The following NEK1 variants were observed in gnomAD, a reference collection of about 807,000 sequenced individuals.
NEK1 encodes NIMA related kinase 1, also known as serine/threonine-protein kinase Nek1.
A neutral mutation model predicts 182.1 loss-of-function variants in NEK1; 137 were observed. That is an observed-to-expected ratio of 0.75 (90% CI 0.65 to 0.87). The LOEUF is 0.87. Ranked by LOEUF, NEK1 falls within the 40% of genes least tolerant of loss-of-function variation. The pLI is 0.00. For missense variants in NEK1, 1,391 were observed against 1,494.4 expected, an observed-to-expected ratio of 0.93 and a Z score of 1.14; for synonymous variants, 513 against 492.2, an observed-to-expected ratio of 1.04 and a Z score of -0.56.
At chr4:169,514,605 G>A (rs751980954) in intron 19 of NEK1, among the ~76,000 whole-genome samples, 6 of 152,132 alleles carry the variant, frequency 3.9e-5, no homozygotes, top group Admixed American at 3.3e-4. Flanking sequence ...GGTAGTTTAC[G>A]AATTTTATAG....
At chr4:169,448,855 C>A (rs551192485) in intron 27 of NEK1, among the ~76,000 whole-genome samples, 1 of 152,230 alleles carries the variant, frequency 6.6e-6, no homozygotes, top group African/African-American at 2.4e-5. Context: ...GGTGGGGCAT[C>A]ACCTCACCTG....
intron 11 of NEK1, among the ~76,000 whole-genome samples, chr4:169,578,311 C>T (rs1766043951): frequency 6.6e-6 from 1 of 152,178 alleles, no homozygotes; most frequent in Admixed American, 6.5e-5. Flanking sequence ...TTAATATCTG[C>T]CAAGATACCC....
At chr4:169,609,374 T>A (rs72694707) in intron 2 of NEK1, among the ~76,000 whole-genome samples, 13,414 of 152,230 alleles carry the variant, frequency 0.088, 764 homozygotes, top group African/African-American at 0.16. Flanking sequence ...TATTTCCAAA[T>A]GTAGGAAAAC....
chr4:169,501,363 AATTCTAGACTTAAATTGGAC>A (rs1422386174), intron 23 of NEK1, among the ~76,000 whole-genome samples: 2 of 152,110 alleles, frequency 1.3e-5, no homozygotes, highest in African/African-American at 4.8e-5. Flanking sequence ...AAAACTAATA[AATTCTAGACTTAAATTGGAC>A]ACTTGACCAG....
chr4:169,492,872 T>C (rs1323054096), intron 23 of NEK1, among the ~76,000 whole-genome samples: 1 of 152,026 alleles, frequency 6.6e-6, no homozygotes, highest in East Asian at 1.9e-4. Context: ...AAACAGGAAA[T>C]GTGGGTGCAG....
chr4:169,482,348 C>T (rs942328319), intron 23 of NEK1, among the ~76,000 whole-genome samples: 35 of 150,582 alleles, frequency 2.3e-4, no homozygotes, highest in African/African-American at 8.6e-4. Flanking sequence ...AGTGCAGATC[C>T]AGGCACAATA....
At chr4:169,561,639 C>T (rs760137442) in intron 15 of NEK1, 48 bp downstream of exon 15, 2 of 1,577,634 alleles carry the variant, frequency 1.3e-6, no homozygotes, top group South Asian at 1.1e-5. Context: ...AACTGAAAAT[C>T]AGTGTATTCC....
intron 10 of NEK1, among the ~76,000 whole-genome samples, chr4:169,584,046 T>A (rs1767117439): frequency 6.6e-6 from 1 of 152,210 alleles, no homozygotes; most frequent in African/African-American, 2.4e-5. Context: ...TAACAGTTAT[T>A]TAACAAAGAC....
chr4:169,442,477 G>GAAGAAGTGAT (rs1287337506), intron 27 of NEK1, among the ~76,000 whole-genome samples: 1 of 152,062 alleles, frequency 6.6e-6, no homozygotes, highest in Non-Finnish European at 1.5e-5. Flanking sequence ...CGTAAAATCG[G>GAAGAAGTGAT]AAGAAGTGAT....
intron 23 of NEK1, among the ~76,000 whole-genome samples, chr4:169,491,162 A>AGAGAG (rs34050308): frequency 8.1e-5 from 10 of 122,834 alleles, no homozygotes; most frequent in African/African-American, 3.2e-4. Context: ...AAAAAAAAAA[A>AGAGAG]AGAGAGATGG....
At chr4:169,420,230 G>GA (rs1735256380) in intron 31 of NEK1, among the ~76,000 whole-genome samples, 1 of 152,114 alleles carries the variant, frequency 6.6e-6, no homozygotes, top group African/African-American at 2.4e-5. Context: ...GCAATAACAC[G>GA]AATGAAGCTG....
At chr4:169,409,671 G>A (rs2111146460) in intron 31 of NEK1, among the ~76,000 whole-genome samples, 1 of 152,234 alleles carries the variant, frequency 6.6e-6, no homozygotes, top group Admixed American at 6.5e-5. Flanking sequence ...GGGAGGCTGA[G>A]GCAGGAGAAT....
In NEK1 at chr4:169,476,320, C is replaced by T. The variant is rs555474206; in HGVS notation, c.2434+804G>A. Among the ~76,000 whole-genome samples the T allele has an allele frequency of 5.9e-5, 9 of 152,146 alleles. No homozygotes were observed. In the South Asian group the frequency reaches 1.9e-3, roughly 32 times the overall value. On this transcript the variant is annotated intron_variant, in intron 26 of 35. Transcript: ENST00000507142. Reference sequence around the variant, plus strand: ...TTCCTGCAGTAGTCTATGATTATTCCTAGCACAGTATTTATCAACTACAAT... The same window carrying T: ...TTCCTGCAGTAGTCTATGATTATTCTTAGCACAGTATTTATCAACTACAAT...
chr4:169,486,799 A>C (rs1749117727), intron 23 of NEK1, among the ~76,000 whole-genome samples: 1 of 152,254 alleles, frequency 6.6e-6, no homozygotes, highest in Admixed American at 6.5e-5. Flanking sequence ...AATAAGACAA[A>C]GATGGAAACA....
At chr4:169,420,544 G>A (rs1036946748) in intron 31 of NEK1, among the ~76,000 whole-genome samples, 2 of 152,174 alleles carry the variant, frequency 1.3e-5, no homozygotes, top group African/African-American at 2.4e-5. Context: ...ATGTCATTAG[G>A]TGGTGAGAGG....
At chr4:169,442,552 A>G (rs1278777073) in intron 27 of NEK1, among the ~76,000 whole-genome samples, 1 of 152,234 alleles carries the variant, frequency 6.6e-6, no homozygotes, top group Non-Finnish European at 1.5e-5. Context: ...AGGAAACATG[A>G]TACCTCCAAA....
intron 29 of NEK1, 72 bp from the exon 30 acceptor site, chr4:169,426,306 C>A (rs1237739921): frequency 2.4e-6 from 3 of 1,235,618 alleles, no homozygotes; most frequent in Non-Finnish European, 3.5e-6. Flanking sequence ...CTCTAAAATA[C>A]AGGAAATGGA....
intron 27 of NEK1, among the ~76,000 whole-genome samples, chr4:169,442,545 A>G (rs749091962): frequency 6.6e-6 from 1 of 152,250 alleles, no homozygotes; most frequent in Non-Finnish European, 1.5e-5. Flanking sequence ...AAAAGTAAGG[A>G]AACATGATAC....
intron 27 of NEK1, among the ~76,000 whole-genome samples, chr4:169,455,877 T>C (rs1468948238): frequency 2.0e-5 from 3 of 152,208 alleles, no homozygotes; most frequent in Admixed American, 1.3e-4. Context: ...AATCGATATC[T>C]ACAGAACATT....
Sources: allele counts gnomAD v4.1 joint callset (sites outside exome capture counted in the v4.1 genomes callset), GRCh38; gene constraint gnomAD v4.1.1; transcripts MANE v1.5; gene names NCBI Gene and HGNC (gene_info 2026-07-23, HGNC 2026-07-21).